The following R3HDM2 variants were observed in gnomAD, a reference collection of about 807,000 sequenced individuals.
R3HDM2 encodes R3H domain containing 2.
Under a neutral mutation model 124.5 loss-of-function variants are expected in R3HDM2, and 38 were observed. The ratio of observed to expected loss-of-function variants is 0.31; its 90% CI spans 0.24 to 0.40. The LOEUF (loss-of-function observed/expected upper bound fraction) is 0.40. Among genes scored for constraint, R3HDM2 ranks in the 10% least tolerant of loss-of-function variants. The probability of loss-of-function intolerance (pLI) is 1.00; values close to 1 mark genes in which losing one functional copy is unlikely to be tolerated. For missense variants in R3HDM2, 869 were observed against 1,236.9 expected, an observed-to-expected ratio of 0.70 and a Z score of 4.46; for synonymous variants, 391 against 448.0, an observed-to-expected ratio of 0.87 and a Z score of 1.61.
At chr12:57,260,786 G>A (rs1450919892) in intron 19 of R3HDM2, among the ~76,000 whole-genome samples, 2 of 152,154 alleles carry the variant, frequency 1.3e-5, no homozygotes, top group African/African-American at 4.8e-5. Flanking sequence ...TGCTTCCTAT[G>A]ACGGGAAATG....
At chr12:57,321,413 G>A (rs139384563) in intron 2 of R3HDM2, among the ~76,000 whole-genome samples, 1 of 152,268 alleles carries the variant, frequency 6.6e-6, no homozygotes, top group African/African-American at 2.4e-5. Context: ...CACTTTGGGA[G>A]GCCAGGTTGG....
chr12:57,418,295 C>T, intron 1 of R3HDM2: 1 of 985,416 alleles, frequency 1.0e-6, no homozygotes, highest in Non-Finnish European at 1.2e-6. Context: ...TTCCTCTCCT[C>T]TATTCTCATT....
At chr12:57,415,130 C>G (rs2139401482) in intron 1 of R3HDM2, among the ~76,000 whole-genome samples, 1 of 152,140 alleles carries the variant, frequency 6.6e-6, no homozygotes, top group African/African-American at 2.4e-5. Context: ...ACTTTTAATA[C>G]TAACAGTAAT....
At chr12:57,405,012 A>G (rs1196996024) in intron 1 of R3HDM2, among the ~76,000 whole-genome samples, 1 of 152,054 alleles carries the variant, frequency 6.6e-6, no homozygotes, top group African/African-American at 2.4e-5. Flanking sequence ...CATCTTTTAC[A>G]TTATATACTT....
At chr12:57,372,294 CAT>C (rs979397487) in intron 2 of R3HDM2, among the ~76,000 whole-genome samples, 2 of 152,116 alleles carry the variant, frequency 1.3e-5, no homozygotes, top group Non-Finnish European at 2.9e-5. Context: ...GGTGAAAAAA[CAT>C]AGTGCTCCAT....
At chr12:57,349,403 A>AG (rs2060447581) in intron 2 of R3HDM2, among the ~76,000 whole-genome samples, 1 of 137,216 alleles carries the variant, frequency 7.3e-6, no homozygotes, top group African/African-American at 2.6e-5. Context: ...AAAAAAAAAA[A>AG]AAAAGAAAAG....
intron 2 of R3HDM2, among the ~76,000 whole-genome samples, chr12:57,316,066 C>T (rs1421184910): frequency 6.6e-6 from 1 of 152,220 alleles, no homozygotes; most frequent in Non-Finnish European, 1.5e-5. Context: ...CACTGTACTC[C>T]AGCCTGCGCA....
chr12:57,258,252 T>G lies in R3HDM2; in HGVS notation c.2302-115A>C, dbSNP rs530762619. On this transcript the variant is annotated intron_variant, in intron 20 of 23. Transcript: ENST00000402412. ...GAAATAAGTTTCTCTTGCTGAACTC[T>G]GCCAAAGTCAGACTCTTCCTTCAAA... is the stretch of plus-strand genomic sequence containing the variant. 17 of 1,033,716 alleles carry G rather than the reference T, an allele frequency of 1.6e-5. No individual in the cohort carries two copies. In the African/African-American group the frequency reaches 2.5e-4, roughly 15 times the overall value. The allele number at this position is 1,033,716 out of a possible 1,614,324, so 64.0% of individuals were successfully genotyped here. A position where few individuals can be genotyped will look rare whatever the true frequency, so the allele number is the denominator to read the frequency against.
chr12:57,365,022 G>A (rs368250369), intron 2 of R3HDM2, among the ~76,000 whole-genome samples: 41 of 150,742 alleles, frequency 2.7e-4, no homozygotes, highest in African/African-American at 9.3e-4. Flanking sequence ...CAGCACTTCG[G>A]GAGGCTGAGG....
chr12:57,375,820 ACAC>A (rs2063984651), intron 2 of R3HDM2, among the ~76,000 whole-genome samples: 1 of 151,872 alleles, frequency 6.6e-6, no homozygotes, highest in Admixed American at 6.6e-5. Flanking sequence ...TTACAGGCCC[ACAC>A]CACCATGTGC....
At chr12:57,386,266 CGCCGAGGCGGGAGCCG>C (rs2065747380) in intron 2 of R3HDM2, among the ~76,000 whole-genome samples, 1 of 152,148 alleles carries the variant, frequency 6.6e-6, no homozygotes, top group Admixed American at 6.5e-5. Flanking sequence ...TTCCTGGGCT[CGCCGAGGCGGGAGCCG>C]GCTCCCTCAG....
At chr12:57,339,275 G>A (rs150331353) in intron 2 of R3HDM2, among the ~76,000 whole-genome samples, 1,532 of 152,228 alleles carry the variant, frequency 0.01, 16 homozygotes, top group African/African-American at 0.036. Context: ...GGGATTACAG[G>A]TGTAAGCCAC....
intron 3 of R3HDM2, among the ~76,000 whole-genome samples, chr12:57,309,070 G>A (rs1168422418): frequency 6.6e-6 from 1 of 152,206 alleles, no homozygotes; most frequent in Non-Finnish European, 1.5e-5. Flanking sequence ...GGCAGCTAGA[G>A]AACAAAATAT....
At chr12:57,329,608 T>C (rs909209971) in intron 2 of R3HDM2, among the ~76,000 whole-genome samples, 1 of 152,170 alleles carries the variant, frequency 6.6e-6, no homozygotes, top group African/African-American at 2.4e-5. Flanking sequence ...ACTGGTACTG[T>C]TTTTCTCTTA....
chr12:57,287,670 G>A (rs371590588), intron 12 of R3HDM2, among the ~76,000 whole-genome samples: 16 of 152,206 alleles, frequency 1.1e-4, no homozygotes, highest in African/African-American at 3.4e-4. Flanking sequence ...GTCAATAAGA[G>A]AGAAACCCTT....
intron 2 of R3HDM2, among the ~76,000 whole-genome samples, chr12:57,363,775 G>A (rs2062246417): frequency 1.3e-5 from 2 of 151,998 alleles, no homozygotes; most frequent in Admixed American, 1.3e-4. Context: ...AGGAGGCTGA[G>A]GTTGGAGGAC....
At chr12:57,344,833 G>A (rs936318997) in intron 2 of R3HDM2, among the ~76,000 whole-genome samples, 2 of 147,346 alleles carry the variant, frequency 1.4e-5, no homozygotes, top group East Asian at 4.0e-4. Flanking sequence ...TTTGTTTTTT[G>A]TTTTTTTTTT....
At chr12:57,277,074 A>T (rs2044968406) in intron 14 of R3HDM2, among the ~76,000 whole-genome samples, 1 of 147,424 alleles carries the variant, frequency 6.8e-6, no homozygotes, top group Non-Finnish European at 1.5e-5. Context: ...GTACTCCAAT[A>T]ACTTATGGAA....
intron 1 of R3HDM2, among the ~76,000 whole-genome samples, chr12:57,425,062 C>T (rs1566531857): frequency 6.6e-6 from 1 of 152,264 alleles, no homozygotes; most frequent in Middle Eastern, 3.4e-3. Context: ...CACCTGAGCT[C>T]GGGAGTTCGA....
Sources: gnomAD v4.1 joint callset for allele counts (sites outside exome capture counted in the v4.1 genomes callset) on GRCh38, gnomAD v4.1.1 for gene constraint, MANE v1.5 for transcripts, NCBI Gene and HGNC (gene_info 2026-07-23, HGNC 2026-07-21) for gene names.